The following NRXN3 variants were observed in gnomAD, a reference collection of about 807,000 sequenced individuals.
NRXN3 encodes neurexin III.
Under a neutral mutation model 137.6 loss-of-function variants are expected in NRXN3, and 32 were observed. The ratio of observed to expected loss-of-function variants is 0.23; its 90% CI spans 0.18 to 0.31. The LOEUF (loss-of-function observed/expected upper bound fraction) is 0.31, where lower values mean the gene tolerates loss of function less well. Ranked by LOEUF, NRXN3 falls within the 10% of genes least tolerant of loss-of-function variation. The pLI, the probability that NRXN3 is intolerant of heterozygous loss-of-function variation, is 1.00. For synonymous variants in NRXN3, 798 were observed against 784.5 expected, an observed-to-expected ratio of 1.02 and a Z score of -0.29; for missense variants, 1,574 against 2,062.5, an observed-to-expected ratio of 0.76 and a Z score of 4.59.
chr14:79,448,322 C>T (rs1241462920), intron 15 of NRXN3, among the ~76,000 whole-genome samples: 3 of 152,158 alleles, frequency 2.0e-5, no homozygotes, highest in African/African-American at 4.8e-5. Context: ...CTAAACAGCC[C>T]TCCCCCATCA....
chr14:79,279,879 CCTTCT>C, intron 15 of NRXN3: 2 of 1,016,752 alleles, frequency 2.0e-6, no homozygotes, highest in Non-Finnish European at 2.4e-6. Flanking sequence ...CGGGCTGCCT[CCTTCT>C]CTTCCTTCAT....
chr14:78,435,034 G>A lies in NRXN3; in HGVS notation c.757+137174G>A, dbSNP rs565251515. Reference sequence around the variant, plus strand: ...GCCCCTTCTATGGGAACTTGACTTGGTACCAGGTAGAGGATTTTGTAGAAC... The same window carrying A: ...GCCCCTTCTATGGGAACTTGACTTGATACCAGGTAGAGGATTTTGTAGAAC... On this transcript the variant is annotated intron_variant, in intron 4 of 20. Transcript: ENST00000335750. Among the ~76,000 whole-genome samples, 4 of 152,298 alleles carry A rather than the reference G, an allele frequency of 2.6e-5. No homozygotes were observed. The East Asian group carries it at 7.7e-4, about 29-fold the overall frequency.
intron 10 of NRXN3, among the ~76,000 whole-genome samples, chr14:78,900,710 T>G: frequency 6.6e-6 from 1 of 151,978 alleles, no homozygotes; most frequent in East Asian, 1.9e-4. Context: ...AAAATAAAAA[T>G]ACCATGTCCT....
At chr14:79,508,287 C>T (rs1447274586) in intron 16 of NRXN3, among the ~76,000 whole-genome samples, 1 of 151,376 alleles carries the variant, frequency 6.6e-6, no homozygotes, top group Non-Finnish European at 1.5e-5. Context: ...GTCATCATTG[C>T]TTTTATACTT....
At chr14:78,924,811 G>A (rs550068093) in intron 10 of NRXN3, among the ~76,000 whole-genome samples, 9 of 152,244 alleles carry the variant, frequency 5.9e-5, no homozygotes, top group East Asian at 1.9e-4. Flanking sequence ...CTGCTGGTAC[G>A]CAATCCAAAA....
At chr14:78,613,991 C>T (rs1342447377) in intron 4 of NRXN3, among the ~76,000 whole-genome samples, 2 of 152,156 alleles carry the variant, frequency 1.3e-5, no homozygotes, top group Non-Finnish European at 2.9e-5. Flanking sequence ...GAAGATCATA[C>T]AATTTTAGAC....
chr14:78,835,698 G>C (rs1207900129), intron 10 of NRXN3, among the ~76,000 whole-genome samples: 1 of 151,960 alleles, frequency 6.6e-6, no homozygotes, highest in Non-Finnish European at 1.5e-5. Context: ...CTATGTACAG[G>C]TCCCAACTTT....
intron 15 of NRXN3, among the ~76,000 whole-genome samples, chr14:78,990,571 T>A (rs1438769624): frequency 6.6e-6 from 1 of 151,750 alleles, no homozygotes; most frequent in African/African-American, 2.4e-5. Context: ...CAGGGTTTCA[T>A]CATGTTGGCC....
At chr14:78,410,773 G>C (rs1222332037) in intron 4 of NRXN3, among the ~76,000 whole-genome samples, 1 of 152,210 alleles carries the variant, frequency 6.6e-6, no homozygotes, top group Non-Finnish European at 1.5e-5. Context: ...AAAACTCTCT[G>C]AAATAATTAA....
chr14:78,244,299 G>T (rs927434378), intron 2 of NRXN3, among the ~76,000 whole-genome samples: 2 of 152,196 alleles, frequency 1.3e-5, no homozygotes, highest in Admixed American at 6.5e-5. Flanking sequence ...GCATGGTGGC[G>T]CACGCCTGTA....
At chr14:78,171,739 A>C (rs2058743478) in intron 1 of NRXN3, among the ~76,000 whole-genome samples, 1 of 103,870 alleles carries the variant, frequency 9.6e-6, no homozygotes, top group African/African-American at 3.5e-5. Flanking sequence ...ATTACTTGTT[A>C]AAAAAAAATA....
chr14:78,455,957 T>C (rs1017985974), intron 4 of NRXN3, among the ~76,000 whole-genome samples: 3 of 152,224 alleles, frequency 2.0e-5, no homozygotes, highest in African/African-American at 7.2e-5. Context: ...AGCCTTAGTC[T>C]TCTCTTGGTC....
intron 15 of NRXN3, among the ~76,000 whole-genome samples, chr14:79,210,949 G>A (rs2067566933): frequency 6.6e-6 from 1 of 151,966 alleles, no homozygotes; most frequent in Non-Finnish European, 1.5e-5. Context: ...TCATCACTTG[G>A]TTATTTTTGC....
chr14:79,762,948 C>A (rs1008632195), intron 19 of NRXN3, among the ~76,000 whole-genome samples: 5 of 151,474 alleles, frequency 3.3e-5, no homozygotes, highest in Admixed American at 1.3e-4. Flanking sequence ...ATACACGTGC[C>A]ATGGTAGTTT....
chr14:79,333,213 C>A (rs2091933576), intron 15 of NRXN3, among the ~76,000 whole-genome samples: 2 of 151,732 alleles, frequency 1.3e-5, no homozygotes, highest in Admixed American at 1.3e-4. Context: ...AAAAAAAAAA[C>A]ACACTGGGGG....
At chr14:78,450,277 C>T (rs1479756559) in intron 4 of NRXN3, among the ~76,000 whole-genome samples, 1 of 152,168 alleles carries the variant, frequency 6.6e-6, no homozygotes, top group Non-Finnish European at 1.5e-5. Flanking sequence ...AAATTTTCTT[C>T]AGTGAGATTT....
At chr14:78,586,965 T>C (rs2097069959) in intron 4 of NRXN3, among the ~76,000 whole-genome samples, 1 of 152,158 alleles carries the variant, frequency 6.6e-6, no homozygotes, top group South Asian at 2.1e-4. Flanking sequence ...TGGAGAAGGA[T>C]CTTGATATCC....
chr14:79,837,893 C>T (rs983957968), intron 20 of NRXN3, among the ~76,000 whole-genome samples: 4 of 152,136 alleles, frequency 2.6e-5, no homozygotes, highest in South Asian at 2.1e-4. Context: ...TAGCCAGTTC[C>T]ACAGGGCATA....
intron 4 of NRXN3, among the ~76,000 whole-genome samples, chr14:78,336,593 C>T (rs568545256): frequency 2.0e-5 from 3 of 152,224 alleles, no homozygotes; most frequent in African/African-American, 7.2e-5. Context: ...CAAGTATATA[C>T]TCCACAGGTC....
Sources: gnomAD v4.1 joint callset for allele counts (sites outside exome capture counted in the v4.1 genomes callset) on GRCh38, gnomAD v4.1.1 for gene constraint, MANE v1.5 for transcripts, NCBI Gene and HGNC (gene_info 2026-07-23, HGNC 2026-07-21) for gene names.